Variants in DIAPH2 observed in about 807,000 individuals in gnomAD.
DIAPH2 encodes the protein diaphanous related formin 2, also known as protein diaphanous homolog 2.
DIAPH2 carries 35 observed loss-of-function variants against 92.7 expected under a neutral mutation model. That is an observed-to-expected ratio of 0.38 (90% CI 0.29 to 0.50). The LOEUF (loss-of-function observed/expected upper bound fraction) is 0.50, where lower values mean the gene tolerates loss of function less well. Ranked by LOEUF, DIAPH2 falls within the 20% of genes least tolerant of loss-of-function variation. The pLI is 0.94. For missense variants in DIAPH2, 701 were observed against 819.5 expected, an observed-to-expected ratio of 0.86 and a Z score of 1.77; for synonymous variants, 301 against 280.4, an observed-to-expected ratio of 1.07 and a Z score of -0.73.
intron 22 of DIAPH2, among the ~76,000 whole-genome samples, chrX:97,193,007 C>G (rs866238212): frequency 5.1e-5 from 5 of 98,003 alleles, no homozygotes; most frequent in Admixed American, 3.2e-4. Flanking sequence ...TTTTCTTTTT[C>G]TTTTCTTTTT....
chrX:97,369,190 G>T (rs773572747), intron 24 of DIAPH2, among the ~76,000 whole-genome samples: 1 of 111,598 alleles, frequency 9.0e-6, no homozygotes, highest in Non-Finnish European at 1.9e-5. Flanking sequence ...TTACAGGCGT[G>T]AGCCACCGCG....
intron 23 of DIAPH2, among the ~76,000 whole-genome samples, chrX:97,258,966 G>T (rs965288928): frequency 9.2e-6 from 1 of 108,294 alleles, no homozygotes; most frequent in Non-Finnish European, 1.9e-5. Flanking sequence ...AAACTTCTAA[G>T]ACAATGTATG....
chrX:96,899,188 T>G (rs1011628305), intron 5 of DIAPH2, among the ~76,000 whole-genome samples: 1 of 108,378 alleles, frequency 9.2e-6, no homozygotes, highest in African/African-American at 3.3e-5. Flanking sequence ...TCTTTTGGCT[T>G]AGGATTGACT....
chrX:96,685,261 C>T, intron 1 of DIAPH2, 71 bp downstream of exon 1: 2 of 944,331 alleles, frequency 2.1e-6, no homozygotes, highest in Non-Finnish European at 2.7e-6. Flanking sequence ...CCATTGAACA[C>T]GGGGGCACCC....
At chrX:97,311,910 C>A in intron 23 of DIAPH2, among the ~76,000 whole-genome samples, 1 of 110,756 alleles carries the variant, frequency 9.0e-6, no homozygotes, top group East Asian at 2.8e-4. Context: ...TCACTGCAAG[C>A]TCTGTCTCCT....
At chrX:97,543,883 C>T (rs2071160139) in intron 26 of DIAPH2, among the ~76,000 whole-genome samples, 1 of 111,426 alleles carries the variant, frequency 9.0e-6, no homozygotes, top group African/African-American at 3.3e-5. Context: ...TAAAATGTCT[C>T]TACATATTTT....
At chrX:97,585,124 A>C (rs1185002079) in intron 26 of DIAPH2, among the ~76,000 whole-genome samples, 1 of 111,951 alleles carries the variant, frequency 8.9e-6, no homozygotes, top group Non-Finnish European at 1.9e-5. Flanking sequence ...TGATCAGTAC[A>C]CTAGTCACTC....
At chrX:97,370,015 G>C (rs991665312) in intron 24 of DIAPH2, among the ~76,000 whole-genome samples, 1 of 111,292 alleles carries the variant, frequency 9.0e-6, no homozygotes, top group African/African-American at 3.3e-5. Flanking sequence ...TAACCCTCTA[G>C]TGCTTCTTTT....
At chrX:97,444,135 G>C (rs181239718) in intron 26 of DIAPH2, among the ~76,000 whole-genome samples, 17 of 111,603 alleles carry the variant, frequency 1.5e-4, no homozygotes, top group African/African-American at 5.2e-4. Flanking sequence ...GATTTGATCT[G>C]TTTGTTTGAG....
At chrX:97,331,630 C>T (rs1215074008) in intron 23 of DIAPH2, among the ~76,000 whole-genome samples, 2 of 112,011 alleles carry the variant, frequency 1.8e-5, no homozygotes, top group Non-Finnish European at 3.8e-5. Context: ...TGAATAAATT[C>T]AGGGAAACAT....
chrX:96,870,791 G>T (rs2065136348), intron 4 of DIAPH2, among the ~76,000 whole-genome samples: 1 of 111,328 alleles, frequency 9.0e-6, no homozygotes, highest in Non-Finnish European at 1.9e-5. Context: ...TTTTTGTTTT[G>T]TGGAAGGAAT....
rs187710503 is a variant in DIAPH2, at chrX:96,765,631, G to C, written c.447+7373G>C. 8.5e-4 allele frequency among the ~76,000 whole-genome samples: 95 copies of C among 111,718 alleles called. 1 individual carries two copies. Among genetic ancestry groups the C allele is most frequent in the African/African-American group, 3.0e-3 (92 of 30,791 alleles). ...TAGGAAAAAGCATACTATATTTAGA[G>C]TTTCAAAACTATCCACAGTTTTAGG... On this transcript the variant is annotated intron_variant, in intron 4 of 26. Transcript: ENST00000324765.
chrX:96,983,689 G>T (rs1182278282), intron 17 of DIAPH2, among the ~76,000 whole-genome samples: 1 of 111,363 alleles, frequency 9.0e-6, no homozygotes, highest in Non-Finnish European at 1.9e-5. Context: ...TTTATTGAGA[G>T]AGAGAGAGAA....
intron 22 of DIAPH2, among the ~76,000 whole-genome samples, chrX:97,177,155 GTAT>G (rs1199814804): frequency 9.0e-6 from 1 of 111,067 alleles, no homozygotes; most frequent in African/African-American, 3.3e-5. Flanking sequence ...AGGGCCTACT[GTAT>G]AGTTATCTCT....
At chrX:96,729,100 G>T (rs946106581) in intron 1 of DIAPH2, among the ~76,000 whole-genome samples, 1 of 112,014 alleles carries the variant, frequency 8.9e-6, no homozygotes, top group African/African-American at 3.2e-5. Flanking sequence ...CCTCCCTACT[G>T]GGGGCTTCCA....
chrX:97,252,064 C>G (rs1017753347), intron 23 of DIAPH2, among the ~76,000 whole-genome samples: 2 of 112,187 alleles, frequency 1.8e-5, no homozygotes. Flanking sequence ...AAGAGGACTT[C>G]TTAGACTTTT....
chrX:97,402,493 T>C (rs2069767806), intron 25 of DIAPH2, among the ~76,000 whole-genome samples: 4 of 112,072 alleles, frequency 3.6e-5, no homozygotes, highest in Non-Finnish European at 7.5e-5. Context: ...CTGGATGTTC[T>C]CATATCTTCT....
chrX:97,518,933 A>T (rs2353732), intron 26 of DIAPH2, among the ~76,000 whole-genome samples: 48,059 of 110,396 alleles, frequency 0.44, 8,988 homozygotes, highest in Non-Finnish European at 0.59. Flanking sequence ...ATGTTCCTGG[A>T]TGGTGACTCA....
chrX:96,875,802 A>G (rs926091818), intron 4 of DIAPH2, among the ~76,000 whole-genome samples: 11 of 111,908 alleles, frequency 9.8e-5, no homozygotes, highest in Non-Finnish European at 1.3e-4. Context: ...ACCTAAAACC[A>G]TAAAACCCTA....
Sources: gnomAD v4.1 joint callset for allele counts (sites outside exome capture counted in the v4.1 genomes callset) on GRCh38, gnomAD v4.1.1 for gene constraint, MANE v1.5 for transcripts, NCBI Gene and HGNC (gene_info 2026-07-23, HGNC 2026-07-21) for gene names.